Variants in MTUS2 observed in about 807,000 individuals in gnomAD.
The protein encoded by MTUS2 is microtubule associated scaffold protein 2.
In MTUS2, 40 loss-of-function variants were observed where a neutral mutation model predicts 114.1. That is an observed-to-expected ratio of 0.35 (90% CI 0.27 to 0.46). MTUS2 has a LOEUF of 0.46. Among genes scored for constraint, MTUS2 ranks in the 20% least tolerant of loss-of-function variants. The probability of loss-of-function intolerance (pLI) is 1.00; values close to 1 mark genes in which losing one functional copy is unlikely to be tolerated. For missense variants in MTUS2, 1,679 were observed against 1,705.4 expected (o/e 0.98, Z 0.27); for synonymous variants, 688 against 672.0 (o/e 1.02, Z -0.37).
intron 5 of MTUS2, among the ~76,000 whole-genome samples, chr13:29,161,810 CTG>C (rs1893110910): frequency 1.3e-5 from 2 of 152,216 alleles, no homozygotes; most frequent in Non-Finnish European, 2.9e-5. Context: ...GTCCCTCTTG[CTG>C]TGTTTTCTGT....
intron 5 of MTUS2, among the ~76,000 whole-genome samples, chr13:29,201,268 C>G (rs1894942442): frequency 6.6e-6 from 1 of 151,554 alleles, no homozygotes; most frequent in Middle Eastern, 3.2e-3. Flanking sequence ...ATGTAATGCC[C>G]TTCTTTGCCT....
chr13:29,374,103 A>C (rs1352929296), intron 8 of MTUS2, among the ~76,000 whole-genome samples: 1 of 152,244 alleles, frequency 6.6e-6, no homozygotes, highest in Non-Finnish European at 1.5e-5. Flanking sequence ...ATGATGGAGA[A>C]AAAAGTCAGT....
chr13:29,358,109 C>T (rs1039669034), intron 7 of MTUS2, among the ~76,000 whole-genome samples: 1 of 152,122 alleles, frequency 6.6e-6, no homozygotes, highest in African/African-American at 2.4e-5. Context: ...GTGTCTGTGT[C>T]ATGTCCTCTA....
intron 2 of MTUS2, among the ~76,000 whole-genome samples, chr13:28,943,155 A>T (rs187138219): frequency 6.6e-6 from 1 of 152,330 alleles, no homozygotes; most frequent in Admixed American, 6.5e-5. Flanking sequence ...TAAGTTCCTC[A>T]TCAGAAAGCT....
At chr13:28,940,397 G>T (rs1882162835) in intron 2 of MTUS2, among the ~76,000 whole-genome samples, 1 of 152,156 alleles carries the variant, frequency 6.6e-6, no homozygotes, top group East Asian at 1.9e-4. Context: ...CATTTATATG[G>T]AATATACAAA....
chr13:29,393,034 A>G (rs548916496), intron 8 of MTUS2, among the ~76,000 whole-genome samples: 168 of 152,366 alleles, frequency 1.1e-3, no homozygotes, highest in African/African-American at 3.9e-3. Flanking sequence ...AAAGAAATCC[A>G]TACATGAGAC....
chr13:29,298,437 G>T (rs1248888558), intron 6 of MTUS2, among the ~76,000 whole-genome samples: 22 of 152,126 alleles, frequency 1.4e-4, no homozygotes, highest in Non-Finnish European at 7.4e-5. Flanking sequence ...GGGATTTCTG[G>T]TCATACTGTA....
intron 4 of MTUS2, among the ~76,000 whole-genome samples, chr13:29,047,715 G>C (rs1030314375): frequency 5.9e-5 from 9 of 152,010 alleles, no homozygotes; most frequent in Admixed American, 5.2e-4. Flanking sequence ...GGATTTCACT[G>C]TGTTAGCCAG....
chr13:29,189,962 G>A (rs1388438633), intron 5 of MTUS2, among the ~76,000 whole-genome samples: 2 of 152,278 alleles, frequency 1.3e-5, no homozygotes, highest in East Asian at 3.9e-4. Context: ...AGTGAGATTA[G>A]TGTCCTTAGG....
intron 3 of MTUS2, among the ~76,000 whole-genome samples, chr13:29,031,272 T>TGTGTGTGTGTGTGTG (rs1593400903): frequency 5.2e-5 from 7 of 134,210 alleles, no homozygotes; most frequent in African/African-American, 2.0e-4. Context: ...GTGTGTGTGG[T>TGTGTGTGTGTGTGTG]GTGTGTTCAC....
chr13:29,315,080 A>G (rs1298812133), intron 6 of MTUS2, among the ~76,000 whole-genome samples: 1 of 152,256 alleles, frequency 6.6e-6, no homozygotes, highest in Non-Finnish European at 1.5e-5. Flanking sequence ...ACGGAAAGCC[A>G]GATATCACAT....
intron 5 of MTUS2, among the ~76,000 whole-genome samples, chr13:29,236,816 A>G (rs182146420): frequency 2.0e-5 from 3 of 152,304 alleles, no homozygotes; most frequent in Non-Finnish European, 4.4e-5. Context: ...TGGAAGGGAA[A>G]TGCAGAACAT....
chr13:28,912,373 T>A (rs746049471), intron 2 of MTUS2, among the ~76,000 whole-genome samples: 1 of 152,218 alleles, frequency 6.6e-6, no homozygotes, highest in East Asian at 1.9e-4. Flanking sequence ...GATCTATGTA[T>A]CTATTCTTGT....
intron 8 of MTUS2, among the ~76,000 whole-genome samples, chr13:29,417,979 G>C (rs1414767609): frequency 6.6e-6 from 1 of 152,112 alleles, no homozygotes; most frequent in African/African-American, 2.4e-5. Flanking sequence ...GGAGTTGGGG[G>C]GTAACTGGAA....
chr13:28,911,323 G>A (rs764959251), intron 2 of MTUS2, among the ~76,000 whole-genome samples: 9 of 151,030 alleles, frequency 6.0e-5, no homozygotes, highest in Middle Eastern at 3.2e-3. Context: ...CTACAGGCAC[G>A]TACCACCATG....
intron 5 of MTUS2, among the ~76,000 whole-genome samples, chr13:29,136,689 C>T (rs1891991594): frequency 6.6e-6 from 1 of 152,218 alleles, no homozygotes; most frequent in Non-Finnish European, 1.5e-5. Flanking sequence ...AAGTTCTGTA[C>T]CCCTTCTCCC....
chr13:29,363,319 A>G (rs1452370255), intron 8 of MTUS2, among the ~76,000 whole-genome samples: 1 of 152,034 alleles, frequency 6.6e-6, no homozygotes, highest in African/African-American at 2.4e-5. Flanking sequence ...CTTATTCAGT[A>G]TTTTTCATAT....
At chr13:29,245,822 A>G (rs546024737) in intron 5 of MTUS2, among the ~76,000 whole-genome samples, 80 of 150,210 alleles carry the variant, frequency 5.3e-4, no homozygotes, top group Admixed American at 5.0e-3. Flanking sequence ...TCAGCCTCCT[A>G]AGTAGCTGGG....
At chr13:28,859,247 G>T (rs1259183911) in intron 2 of MTUS2, among the ~76,000 whole-genome samples, 1 of 152,188 alleles carries the variant, frequency 6.6e-6, no homozygotes, top group African/African-American at 2.4e-5. Flanking sequence ...TACTACAGGG[G>T]TGGCTGGGGC....
Sources: gnomAD v4.1 joint callset for allele counts (sites outside exome capture counted in the v4.1 genomes callset) on GRCh38, gnomAD v4.1.1 for gene constraint, MANE v1.5 for transcripts, NCBI Gene and HGNC (gene_info 2026-07-23, HGNC 2026-07-21) for gene names.